Variants in MCC observed in about 807,000 individuals in gnomAD.
MCC encodes MCC regulator of Wnt signaling pathway.
Under a neutral mutation model 116.2 loss-of-function variants are expected in MCC, and 90 were observed. The ratio of observed to expected loss-of-function variants is 0.77; its 90% CI spans 0.65 to 0.92. MCC has a LOEUF of 0.92. Ranked by LOEUF, MCC falls within the 40% of genes least tolerant of loss-of-function variation. The pLI, the probability that MCC is intolerant of heterozygous loss-of-function variation, is 0.00. For missense variants in MCC, 1,516 were observed against 1,312.2 expected (o/e 1.16, Z -2.40); for synonymous variants, 578 against 510.5 (o/e 1.13, Z -1.78).
chr5:113,385,978 A>C (rs531491347), intron 1 of MCC, among the ~76,000 whole-genome samples: 1 of 152,322 alleles, frequency 6.6e-6, no homozygotes, highest in African/African-American at 2.4e-5. Context: ...AATAAAAAAG[A>C]ATTTCAAAAA....
chr5:113,284,689 A>T (rs1172714469), intron 3 of MCC, among the ~76,000 whole-genome samples: 1 of 152,218 alleles, frequency 6.6e-6, no homozygotes, highest in Non-Finnish European at 1.5e-5. Flanking sequence ...ATATATGCTT[A>T]ATAGCACCAC....
At chr5:113,183,588 A>G (rs893572316) in intron 3 of MCC, among the ~76,000 whole-genome samples, 1 of 152,096 alleles carries the variant, frequency 6.6e-6, no homozygotes, top group African/African-American at 2.4e-5. Flanking sequence ...GCATCAAATT[A>G]CAATCCCCCC....
At chr5:113,405,067 T>C (rs1769792213) in intron 1 of MCC, among the ~76,000 whole-genome samples, 1 of 152,234 alleles carries the variant, frequency 6.6e-6, no homozygotes, top group Non-Finnish European at 1.5e-5. Flanking sequence ...TAAGGCATTT[T>C]TTAAAAAGCT....
At chr5:113,198,131 C>T (rs1482665395) in intron 3 of MCC, among the ~76,000 whole-genome samples, 1 of 152,196 alleles carries the variant, frequency 6.6e-6, no homozygotes, top group Non-Finnish European at 1.5e-5. Flanking sequence ...AAGCAAGTCT[C>T]GTGCCACATA....
At chr5:113,060,207 G>A (rs1302556520) in intron 14 of MCC, among the ~76,000 whole-genome samples, 1 of 152,166 alleles carries the variant, frequency 6.6e-6, no homozygotes, top group African/African-American at 2.4e-5. Context: ...CCACACTGGA[G>A]TGCAATAGCA....
At chr5:113,268,669 A>G (rs1318337085) in intron 3 of MCC, among the ~76,000 whole-genome samples, 1 of 152,170 alleles carries the variant, frequency 6.6e-6, no homozygotes, top group Non-Finnish European at 1.5e-5. Flanking sequence ...GCTCCCAGAA[A>G]TTTACTATCT....
chr5:113,475,554 A>G (rs558943636), intron 1 of MCC, among the ~76,000 whole-genome samples: 1 of 152,350 alleles, frequency 6.6e-6, no homozygotes, highest in Non-Finnish European at 1.5e-5. Context: ...AATGACAATG[A>G]GAAGCTGACA....
intron 1 of MCC, among the ~76,000 whole-genome samples, chr5:113,458,966 AT>A (rs1266189671): frequency 6.6e-6 from 1 of 152,108 alleles, no homozygotes; most frequent in Non-Finnish European, 1.5e-5. Flanking sequence ...TGGGAGAGTT[AT>A]TGAGTAATAG....
chr5:113,226,622 A>G (rs1763752486), intron 3 of MCC, among the ~76,000 whole-genome samples: 1 of 152,280 alleles, frequency 6.6e-6, no homozygotes, highest in Non-Finnish European at 1.5e-5. Context: ...AAAACATGTT[A>G]CAATTTAAAT....
chr5:113,422,162 T>A (rs1051252302), intron 1 of MCC, among the ~76,000 whole-genome samples: 2 of 152,174 alleles, frequency 1.3e-5, no homozygotes, highest in Non-Finnish European at 2.9e-5. Context: ...CTGATTTCCA[T>A]GGTAAATACA....
chr5:113,208,246 T>C (rs766809054), intron 3 of MCC, among the ~76,000 whole-genome samples: 12 of 152,186 alleles, frequency 7.9e-5, no homozygotes, highest in Non-Finnish European at 1.6e-4. Context: ...AGTCACCAGA[T>C]ATGATACTTT....
intron 8 of MCC, among the ~76,000 whole-genome samples, chr5:113,094,091 G>A (rs150646499): frequency 3.3e-5 from 5 of 152,266 alleles, no homozygotes; most frequent in Admixed American, 2.6e-4. Flanking sequence ...ATTTTGCCGA[G>A]AACCACACCT....
intron 3 of MCC, among the ~76,000 whole-genome samples, chr5:113,152,062 A>G (rs999510086): frequency 1.3e-5 from 2 of 152,200 alleles, no homozygotes; most frequent in African/African-American, 4.8e-5. Context: ...GCCCTCTTTC[A>G]GGAGCAGCAC....
intron 5 of MCC, among the ~76,000 whole-genome samples, chr5:113,136,096 G>A (rs574352414): frequency 6.6e-6 from 1 of 152,172 alleles, no homozygotes; most frequent in African/African-American, 2.4e-5. Context: ...GAGGAAAAAG[G>A]GACATGCATA....
intron 13 of MCC, among the ~76,000 whole-genome samples, chr5:113,067,120 A>G (rs1052240670): frequency 2.0e-5 from 3 of 152,174 alleles, no homozygotes; most frequent in Non-Finnish European, 4.4e-5. Context: ...CTTGTGTCCA[A>G]TTAGATACTC....
chr5:113,103,501 G>C (rs1756554497), intron 7 of MCC, among the ~76,000 whole-genome samples: 3 of 152,230 alleles, frequency 2.0e-5, no homozygotes, highest in Non-Finnish European at 4.4e-5. Context: ...CAATTGAGAT[G>C]AAGAAAGATG....
At position 113,151,447 on chromosome 5, in the gene MCC, T is replaced by C. The variant is rs146418544; in HGVS notation, c.628-25A>G. 8.3e-3 allele frequency: 10,325 copies of C among 1,244,678 alleles called. 81 individuals carry two copies. Among genetic ancestry groups the C allele is most frequent in the Non-Finnish European group, 0.01 (8,786 of 853,632 alleles). 77.1% of individuals were successfully genotyped at this position (1,244,678 alleles called of 1,614,324 possible). ...GCTGTGGTGACAGAAAGGAGGAGATTAGAGTATTGTAGCAGAGATGTATTT... is the reference window on the plus strand; with the variant it reads ...GCTGTGGTGACAGAAAGGAGGAGATCAGAGTATTGTAGCAGAGATGTATTT... On this transcript the variant is annotated intron_variant, in intron 3 of 18. Coordinates refer to ENST00000408903, the MANE Select transcript of MCC (RefSeq NM_001085377.2).
intron 15 of MCC, among the ~76,000 whole-genome samples, chr5:113,053,137 C>A (rs895549318): frequency 6.6e-6 from 1 of 152,130 alleles, no homozygotes; most frequent in Non-Finnish European, 1.5e-5. Context: ...TCCAAGAAAG[C>A]TCCCTTCTGT....
intron 1 of MCC, among the ~76,000 whole-genome samples, chr5:113,392,977 G>A (rs754375344): frequency 6.6e-6 from 1 of 152,140 alleles, no homozygotes; most frequent in East Asian, 1.9e-4. Flanking sequence ...ACAGTAGTGA[G>A]TAAAGACATC....
Sources: allele counts gnomAD v4.1 joint callset (sites outside exome capture counted in the v4.1 genomes callset), GRCh38; gene constraint gnomAD v4.1.1; transcripts MANE v1.5; gene names NCBI Gene and HGNC (gene_info 2026-07-23, HGNC 2026-07-21).